Variants in SDK1 observed in about 807,000 individuals in gnomAD.
SDK1 encodes sidekick cell adhesion molecule 1.
Under a neutral mutation model 245.5 loss-of-function variants are expected in SDK1, and 157 were observed. That is an observed-to-expected ratio of 0.64 (90% CI 0.56 to 0.73). The LOEUF (loss-of-function observed/expected upper bound fraction) is 0.73. SDK1 is among the 30% of genes least tolerant of loss of function. The probability of loss-of-function intolerance (pLI) is 0.00; values close to 1 mark genes in which losing one functional copy is unlikely to be tolerated. For missense variants in SDK1, 3,583 were observed against 3,002.3 expected (o/e 1.19, Z -4.52); for synonymous variants, 1,647 against 1,278.5 (o/e 1.29, Z -6.15).
intron 4 of SDK1, among the ~76,000 whole-genome samples, chr7:3,743,076 G>A (rs759580851): frequency 6.6e-5 from 10 of 152,198 alleles, no homozygotes; most frequent in Non-Finnish European, 1.2e-4. Context: ...TGTACGTGTT[G>A]TGTGTCAGGA....
intron 35 of SDK1, among the ~76,000 whole-genome samples, chr7:4,193,372 T>TTATATATATATATATATATATATA (rs10536828): frequency 1.5e-4 from 15 of 103,078 alleles, no homozygotes; most frequent in African/African-American, 3.9e-4. Context: ...ATTAAAATAT[T>TTATATATATATATATATATATATA]TATATATATA....
chr7:3,577,693 C>G (rs1412084306), intron 1 of SDK1, among the ~76,000 whole-genome samples: 1 of 152,054 alleles, frequency 6.6e-6, no homozygotes. Context: ...AGGACATAAA[C>G]TGAGAACTGA....
Position 3,970,329 on chromosome 7 carries a change from C to T in SDK1, c.1714+905C>T, listed in dbSNP as rs964623604. Among the ~76,000 whole-genome samples the T allele has an allele frequency of 4.0e-4, 61 of 152,302 alleles. 1 individual carries two copies. The highest frequency in any genetic ancestry group is 3.1e-3 in the Admixed American group (48 of 15,302). ...TATGGTTGGTGTCCACTTTGATAAA[C>T]GACTCTTCCTAATTTGTAAAATGAT... On this transcript the variant is annotated intron_variant, in intron 11 of 44. Coordinates refer to ENST00000404826, the MANE Select transcript of SDK1 (RefSeq NM_152744.4).
chr7:3,753,914 A>G (rs545605519), intron 4 of SDK1, among the ~76,000 whole-genome samples: 1 of 152,348 alleles, frequency 6.6e-6, no homozygotes, highest in East Asian at 1.9e-4. Context: ...TCTCTATAAA[A>G]TAAAATTTTG....
At chr7:3,546,243 G>C (rs904323651) in intron 1 of SDK1, among the ~76,000 whole-genome samples, 1 of 152,066 alleles carries the variant, frequency 6.6e-6, no homozygotes, top group Non-Finnish European at 1.5e-5. Flanking sequence ...ACACTGTAAC[G>C]AACAATGATG....
chr7:3,343,688 C>T (rs1240347167), intron 1 of SDK1, among the ~76,000 whole-genome samples: 2 of 151,536 alleles, frequency 1.3e-5, no homozygotes, highest in African/African-American at 4.9e-5. Context: ...TTTCTTACAA[C>T]TGCTTGTGAA....
At chr7:3,611,807 A>G (rs1480241872) in intron 1 of SDK1, among the ~76,000 whole-genome samples, 1 of 152,198 alleles carries the variant, frequency 6.6e-6, no homozygotes, top group Non-Finnish European at 1.5e-5. Context: ...AATGGCCATA[A>G]TGAAAAAATC....
At chr7:4,128,312 G>C (rs960770166) in intron 26 of SDK1, among the ~76,000 whole-genome samples, 9 of 152,080 alleles carry the variant, frequency 5.9e-5, no homozygotes, top group African/African-American at 1.7e-4. Flanking sequence ...TCCCTTCCCC[G>C]GGTGTTCTAA....
chr7:3,849,007 C>A (rs939923460), intron 5 of SDK1, among the ~76,000 whole-genome samples: 2 of 152,186 alleles, frequency 1.3e-5, no homozygotes, highest in South Asian at 2.1e-4. Context: ...TTCTCTTCTT[C>A]CGGACCCCCT....
chr7:4,087,473 A>ACG (rs902269363), intron 22 of SDK1, among the ~76,000 whole-genome samples: 71 of 115,912 alleles, frequency 6.1e-4, no homozygotes, highest in African/African-American at 3.0e-3. Flanking sequence ...ACAGACACAC[A>ACG]CGCGCGCACA....
At chr7:3,793,960 A>C (rs1219384041) in intron 4 of SDK1, among the ~76,000 whole-genome samples, 3 of 152,156 alleles carry the variant, frequency 2.0e-5, no homozygotes, top group African/African-American at 7.2e-5. Context: ...CTACTGCTGA[A>C]GGCCTTTTGT....
At position 4,266,683 on chromosome 7, in the gene SDK1, C is replaced by T. The variant is rs953139377; in HGVS notation, c.*1299C>T. 163 of 985,350 alleles carry T rather than the reference C, an allele frequency of 1.7e-4. No individual in the cohort carries two copies. Among genetic ancestry groups the T allele is most frequent in the Non-Finnish European group, 1.9e-4 (158 of 829,946 alleles). The allele number at this position is 985,350 out of a possible 1,614,324, so 61.0% of individuals were successfully genotyped here. On this transcript the variant is annotated 3_prime_UTR_variant, in exon 45 of 45. Transcript: ENST00000404826. ...GCTCAGAGATGGCCATGCCTCCAGC[C>T]CCTCACGTCATCTTTGCAACAGACG... is the stretch of plus-strand genomic sequence containing the variant.
At chr7:3,754,560 T>C (rs1032773172) in intron 4 of SDK1, among the ~76,000 whole-genome samples, 1 of 152,178 alleles carries the variant, frequency 6.6e-6, no homozygotes, top group Non-Finnish European at 1.5e-5. Flanking sequence ...CTTTCCTCAG[T>C]ATCCCCTGTT....
At chr7:3,490,404 T>C (rs1781831592) in intron 1 of SDK1, among the ~76,000 whole-genome samples, 1 of 152,200 alleles carries the variant, frequency 6.6e-6, no homozygotes, top group African/African-American at 2.4e-5. Context: ...AGGCACTGTA[T>C]CCGGTGTGAA....
intron 25 of SDK1, among the ~76,000 whole-genome samples, chr7:4,126,830 C>A (rs770395852): frequency 6.6e-6 from 1 of 152,134 alleles, no homozygotes; most frequent in African/African-American, 2.4e-5. Context: ...GTTTTCTGAT[C>A]GGTAGAAAAG....
intron 7 of SDK1, among the ~76,000 whole-genome samples, chr7:3,952,989 C>A (rs77220478): frequency 1.3e-5 from 2 of 151,970 alleles, no homozygotes; most frequent in Non-Finnish European, 2.9e-5. Flanking sequence ...GCCTGTGTTC[C>A]GCAGTGGTAG....
In SDK1 at chr7:4,026,726, G is replaced by A. The variant is rs1225844130; in HGVS notation, c.2602+9374G>A. 6.6e-6 allele frequency among the ~76,000 whole-genome samples: 1 copy of A among 152,230 alleles called. No individual in the cohort carries two copies. The highest frequency in any genetic ancestry group is 1.5e-5 in the Non-Finnish European group (1 of 68,046). On this transcript the variant is annotated intron_variant, in intron 17 of 44. Transcript: ENST00000404826. This position sits in a 1 kb window ranked among gnomAD's most constrained non-coding sequence, Gnocchi z 4.1. ...ATGCCGTAGAAATGTTTAATGCAGT[G>A]AGAACCTTCAGGTCTATCAAAACTG...
chr7:3,573,210 G>A (rs1363131898), intron 1 of SDK1, among the ~76,000 whole-genome samples: 1 of 151,488 alleles, frequency 6.6e-6, no homozygotes, highest in Non-Finnish European at 1.5e-5. Context: ...AGTGGAGACT[G>A]TGCTGGGAGG....
chr7:3,515,567 A>G (rs1243907304), intron 1 of SDK1, among the ~76,000 whole-genome samples: 1 of 152,186 alleles, frequency 6.6e-6, no homozygotes, highest in Non-Finnish European at 1.5e-5. Context: ...TGTTCTCTAT[A>G]ATCTAGAATG....
Sources: gnomAD v4.1 joint callset for allele counts (sites outside exome capture counted in the v4.1 genomes callset) on GRCh38, gnomAD v4.1.1 for gene constraint, Gnocchi (gnomAD v3.1) non-coding constraint, MANE v1.5 for transcripts, NCBI Gene and HGNC (gene_info 2026-07-23, HGNC 2026-07-21) for gene names.